KCNQ5: variants seen among roughly 807,000 people sequenced by gnomAD.
KCNQ5 encodes potassium voltage-gated channel subfamily Q member 5, also known as potassium voltage-gated channel subfamily KQT member 5.
KCNQ5 carries 30 observed loss-of-function variants against 98.2 expected under a neutral mutation model. The ratio of observed to expected loss-of-function variants is 0.31; its 90% confidence interval spans 0.23 to 0.41. The LOEUF (loss-of-function observed/expected upper bound fraction) is 0.41, where lower values mean the gene tolerates loss of function less well. Among genes scored for constraint, KCNQ5 ranks in the 10% least tolerant of loss-of-function variants. The probability of loss-of-function intolerance (pLI) is 1.00; values close to 1 mark genes in which losing one functional copy is unlikely to be tolerated. For missense variants in KCNQ5, 835 were observed against 1,182.5 expected (o/e 0.71, Z 4.31); for synonymous variants, 458 against 449.4 (o/e 1.02, Z -0.24).
At chr6:72,831,731 A>T (rs911913508) in intron 1 of KCNQ5, among the ~76,000 whole-genome samples, 11 of 127,000 alleles carry the variant, frequency 8.7e-5, no homozygotes, top group African/African-American at 1.3e-4. Context: ...AGTATAATTT[A>T]AAAAAAAAAT....
chr6:72,744,668 G>T (rs763785265), intron 1 of KCNQ5, among the ~76,000 whole-genome samples: 5 of 152,042 alleles, frequency 3.3e-5, no homozygotes, highest in Non-Finnish European at 7.4e-5. Context: ...AAAATTAACT[G>T]GGTGTGGTGG....
chr6:72,966,231 C>T (rs1191968612), intron 1 of KCNQ5, among the ~76,000 whole-genome samples: 3 of 152,012 alleles, frequency 2.0e-5, no homozygotes, highest in Non-Finnish European at 4.4e-5. Flanking sequence ...CAATAAGGTT[C>T]GAATCAAAAA....
chr6:72,943,177 C>T (rs1766384584), intron 1 of KCNQ5, among the ~76,000 whole-genome samples: 1 of 152,126 alleles, frequency 6.6e-6, no homozygotes, highest in Admixed American at 6.6e-5. Flanking sequence ...TTTTCAAAAG[C>T]ATCCGCCTCT....
In KCNQ5 at chr6:73,058,329, G is replaced by A. The variant is rs541903492; in HGVS notation, c.616+16267G>A. ...CGGGAGGCTGAGGCAGGAGAATGGC[G>A]TGAACCCCGGGGGGCGGAGGCTGCA... is the stretch of plus-strand genomic sequence containing the variant. On this transcript the variant is annotated intron_variant, in intron 3 of 13. Coordinates refer to ENST00000370398, the MANE Select transcript of KCNQ5 (RefSeq NM_019842.4). Among the ~76,000 whole-genome samples, 6 of 152,148 alleles carry A rather than the reference G, an allele frequency of 3.9e-5. No homozygotes were observed. In the East Asian group the frequency reaches 5.8e-4, roughly 15 times the overall value.
chr6:72,963,810 A>G (rs1380100678), intron 1 of KCNQ5, among the ~76,000 whole-genome samples: 3 of 152,078 alleles, frequency 2.0e-5, no homozygotes. Flanking sequence ...CCACAGGCGC[A>G]CACCACCACA....
At chr6:73,151,256 G>A (rs1037781221) in intron 10 of KCNQ5, among the ~76,000 whole-genome samples, 1 of 151,940 alleles carries the variant, frequency 6.6e-6, no homozygotes, top group African/African-American at 2.4e-5. Flanking sequence ...ACCTTTCCAG[G>A]AGCAGCCATT....
intron 1 of KCNQ5, among the ~76,000 whole-genome samples, chr6:72,776,211 C>T (rs1007868467): frequency 3.9e-5 from 6 of 152,270 alleles, no homozygotes; most frequent in African/African-American, 1.4e-4. Context: ...TGCTCTCCAA[C>T]ATCAAGTTAT....
chr6:72,894,342 T>C (rs1231282813), intron 1 of KCNQ5, among the ~76,000 whole-genome samples: 10 of 152,180 alleles, frequency 6.6e-5, no homozygotes. Context: ...TTTTCTCATT[T>C]CTCTGCCGGC....
At chr6:73,038,320 C>G (rs1771531857) in intron 2 of KCNQ5, among the ~76,000 whole-genome samples, 2 of 149,540 alleles carry the variant, frequency 1.3e-5, no homozygotes, top group African/African-American at 4.9e-5. Flanking sequence ...TAAATAGAGA[C>G]CATTTTATGT....
At chr6:72,888,638 C>T (rs138403429) in intron 1 of KCNQ5, among the ~76,000 whole-genome samples, 150 of 152,206 alleles carry the variant, frequency 9.9e-4, no homozygotes, top group African/African-American at 3.2e-3. Flanking sequence ...GTAGTGACAA[C>T]GACTGTAAAA....
chr6:73,098,356 G>A (rs1296336648), intron 5 of KCNQ5, among the ~76,000 whole-genome samples: 1 of 152,098 alleles, frequency 6.6e-6, no homozygotes, highest in African/African-American at 2.4e-5. Flanking sequence ...TTTATTCAAA[G>A]GGATAATAAC....
chr6:72,641,523 G>A (rs1032854754), intron 1 of KCNQ5, among the ~76,000 whole-genome samples: 1 of 151,992 alleles, frequency 6.6e-6, no homozygotes, highest in African/African-American at 2.4e-5. Context: ...AGCTGGATTT[G>A]ACCCTAACTC....
At chr6:73,017,548 T>G (rs1270788793) in intron 2 of KCNQ5, among the ~76,000 whole-genome samples, 4 of 152,122 alleles carry the variant, frequency 2.6e-5, no homozygotes, top group African/African-American at 9.7e-5. Flanking sequence ...AGAAGACACA[T>G]CATGCCTCTG....
intron 1 of KCNQ5, among the ~76,000 whole-genome samples, chr6:72,906,765 C>A (rs979661730): frequency 1.3e-5 from 2 of 152,212 alleles, no homozygotes; most frequent in African/African-American, 4.8e-5. Flanking sequence ...CCAGGTCCTG[C>A]AGGAGCAATC....
intron 3 of KCNQ5, among the ~76,000 whole-genome samples, chr6:73,056,685 C>G (rs577986125): frequency 6.6e-6 from 1 of 152,256 alleles, no homozygotes; most frequent in African/African-American, 2.4e-5. Context: ...GGCCCTGCCA[C>G]ATAGGTCTAG....
chr6:72,797,887 T>A (rs1774424758), intron 1 of KCNQ5, among the ~76,000 whole-genome samples: 1 of 152,194 alleles, frequency 6.6e-6, no homozygotes, highest in Admixed American at 6.5e-5. Flanking sequence ...CTATATTCAT[T>A]ATTAGTTATG....
rs373692426 is a variant in KCNQ5, at chr6:72,974,926, AGGGTTTCACTGT to A, written c.399-28980_399-28969del. Reference sequence around the variant, plus strand: ...TAATTTTTTGTATTTTAGTAGAGACAGGGTTTCACTGTGTTGCCCAGGCTGGTCTCAAACTCC... The same window carrying A: ...TAATTTTTTGTATTTTAGTAGAGACAGTTGCCCAGGCTGGTCTCAAACTCC... On this transcript the variant is annotated intron_variant, in intron 1 of 13. Transcript: ENST00000370398. 1.1e-3 allele frequency among the ~76,000 whole-genome samples: 174 copies of A among 152,098 alleles called. 1 individual carries two copies. Among genetic ancestry groups the A allele is most frequent in the African/African-American group, 4.0e-3 (168 of 41,498 alleles).
intron 10 of KCNQ5, among the ~76,000 whole-genome samples, chr6:73,163,918 A>G (rs1777704049): frequency 6.6e-6 from 1 of 152,128 alleles, no homozygotes; most frequent in African/African-American, 2.4e-5. Context: ...GCAATCATTT[A>G]TTCTTTGATT....
chr6:73,002,143 A>G (rs894569465), intron 1 of KCNQ5, among the ~76,000 whole-genome samples: 3 of 152,168 alleles, frequency 2.0e-5, no homozygotes, highest in African/African-American at 7.2e-5. Flanking sequence ...AAAAATAAAA[A>G]TGAAAAATAA....
Sources: gnomAD v4.1 joint callset for allele counts (sites outside exome capture counted in the v4.1 genomes callset) on GRCh38, gnomAD v4.1.1 for gene constraint, MANE v1.5 for transcripts, NCBI Gene and HGNC (gene_info 2026-07-23, HGNC 2026-07-21) for gene names.